The following SLC24A4 variants were observed in gnomAD, a reference collection of about 807,000 sequenced individuals.
SLC24A4 encodes the protein sodium/potassium/calcium exchanger 4.
In SLC24A4, 53 loss-of-function variants were observed where a neutral mutation model predicts 79.0. That is an observed-to-expected ratio of 0.67 (90% CI 0.54 to 0.84). The LOEUF (loss-of-function observed/expected upper bound fraction) is 0.84. Among genes scored for constraint, SLC24A4 ranks in the 40% least tolerant of loss-of-function variants. The pLI, the probability that SLC24A4 is intolerant of heterozygous loss-of-function variation, is 0.00. For missense variants in SLC24A4, 731 were observed against 822.0 expected, an observed-to-expected ratio of 0.89 and a Z score of 1.35; for synonymous variants, 323 against 323.8, an observed-to-expected ratio of 1.00 and a Z score of 0.03.
intron 2 of SLC24A4, among the ~76,000 whole-genome samples, chr14:92,389,687 C>T (rs1242522585): frequency 3.9e-5 from 6 of 152,198 alleles, no homozygotes; most frequent in Admixed American, 6.5e-5. Context: ...CCTGGCTCCT[C>T]GGTGGCAAAG....
At chr14:92,400,813 G>A (rs1403063490) in intron 2 of SLC24A4, among the ~76,000 whole-genome samples, 1 of 152,182 alleles carries the variant, frequency 6.6e-6, no homozygotes, top group East Asian at 1.9e-4. Context: ...GTAAGCATTG[G>A]TGTTTTGTGG....
At chr14:92,411,695 G>T (rs1364753709) in intron 2 of SLC24A4, among the ~76,000 whole-genome samples, 1 of 152,196 alleles carries the variant, frequency 6.6e-6, no homozygotes, top group African/African-American at 2.4e-5. Flanking sequence ...AGCTCAGTGT[G>T]TGAGGCTCCC....
chr14:92,484,888 C>T, intron 13 of SLC24A4: 1 of 985,376 alleles, frequency 1.0e-6, no homozygotes, highest in Non-Finnish European at 1.2e-6. Flanking sequence ...CTGAATAATA[C>T]ACAGTTTGGC....
At position 92,498,721 on chromosome 14, in the gene SLC24A4, C is replaced by G. The variant is rs1381084777; in HGVS notation, c.*5093C>G. ...CCATGCTGACCAGGCTGGTTTCGAACTCCTGACCTCAAGTGATCCGCCCGC... is the reference window on the plus strand; with the variant it reads ...CCATGCTGACCAGGCTGGTTTCGAAGTCCTGACCTCAAGTGATCCGCCCGC... On this transcript the variant is annotated 3_prime_UTR_variant, in exon 17 of 17. Transcript: ENST00000532405. The G allele has an allele frequency of 6.6e-6, 1 of 152,262 alleles. No individual in the cohort carries two copies. Among genetic ancestry groups the G allele is most frequent in the Non-Finnish European group, 1.5e-5 (1 of 68,086 alleles). The allele number at this position is 152,262 out of a possible 1,614,324, so 9.4% of individuals were successfully genotyped here.
intron 2 of SLC24A4, among the ~76,000 whole-genome samples, chr14:92,401,056 G>A (rs1296800708): frequency 2.0e-5 from 3 of 152,168 alleles, no homozygotes; most frequent in African/African-American, 7.2e-5. Context: ...AAGGCACCCA[G>A]TATCTGGCAG....
chr14:92,399,824 AAGG>A (rs1490077074), intron 2 of SLC24A4, among the ~76,000 whole-genome samples: 2 of 152,180 alleles, frequency 1.3e-5, no homozygotes, highest in African/African-American at 4.8e-5. Context: ...CTTTGCATAG[AAGG>A]AGAACTTACC....
Position 92,343,335 on chromosome 14 carries a change from G to A in SLC24A4, c.241+17357G>A, listed in dbSNP as rs187488635. Among the ~76,000 whole-genome samples, 15 of 152,210 alleles carry A rather than the reference G, an allele frequency of 9.9e-5. No homozygotes were observed. In the East Asian group the frequency reaches 1.9e-3, roughly 20 times the overall value. ...CTGTGTTGTAAAATTATAGTACCCC[G>A]ATGTCCCTTTCAGGAGTAGCTGGCA... On this transcript the variant is annotated intron_variant, in intron 2 of 16. Coordinates refer to ENST00000532405, the MANE Select transcript of SLC24A4 (RefSeq NM_153646.4).
At chr14:92,461,100 G>A (rs1309529528) in intron 12 of SLC24A4, among the ~76,000 whole-genome samples, 1 of 152,204 alleles carries the variant, frequency 6.6e-6, no homozygotes, top group East Asian at 1.9e-4. Flanking sequence ...CAGCCCAGCT[G>A]GGAAAGTCTC....
chr14:92,416,104 G>A (rs1890967083), intron 2 of SLC24A4, among the ~76,000 whole-genome samples: 1 of 143,764 alleles, frequency 7.0e-6, no homozygotes, highest in Non-Finnish European at 1.5e-5. Context: ...AAAGGAAAGT[G>A]TGTGTATTTG....
At chr14:92,414,423 G>A (rs10467860) in intron 2 of SLC24A4, among the ~76,000 whole-genome samples, 3,223 of 152,224 alleles carry the variant, frequency 0.021, 112 homozygotes, top group African/African-American at 0.073. Context: ...CAATATGATT[G>A]TCAAATACTA....
chr14:92,464,585 C>A (rs1299996660), intron 12 of SLC24A4, among the ~76,000 whole-genome samples: 2 of 91,130 alleles, frequency 2.2e-5, no homozygotes, highest in East Asian at 6.8e-4. Flanking sequence ...AACCCAGCAT[C>A]CCCCAGCCCT....
intron 2 of SLC24A4, among the ~76,000 whole-genome samples, chr14:92,330,105 C>T (rs1885383951): frequency 6.6e-6 from 1 of 152,124 alleles, no homozygotes; most frequent in African/African-American, 2.4e-5. Flanking sequence ...AGACCTAGTG[C>T]TCAGCCTGGG....
chr14:92,422,385 A>C (rs1031981641), intron 2 of SLC24A4, among the ~76,000 whole-genome samples: 1 of 152,240 alleles, frequency 6.6e-6, no homozygotes, highest in Non-Finnish European at 1.5e-5. Context: ...CTGTTATGTC[A>C]AAGGGAAGAA....
chr14:92,349,686 G>C (rs1886761731), intron 2 of SLC24A4, among the ~76,000 whole-genome samples: 1 of 152,148 alleles, frequency 6.6e-6, no homozygotes, highest in African/African-American at 2.4e-5. Flanking sequence ...ACACCTCAAG[G>C]ACCCCTCACG....
rs375453582 is a variant in SLC24A4 at position 92,398,901 on chromosome 14, C to A, written c.242-35011C>A. Reference sequence around the variant, plus strand: ...GCCTGCTTCTTTCCCAGGATTGGATCTTCAAGGACAAGGACCGTGTTGGTT... The same window carrying A: ...GCCTGCTTCTTTCCCAGGATTGGATATTCAAGGACAAGGACCGTGTTGGTT... On this transcript the variant is annotated intron_variant, in intron 2 of 16. Transcript: ENST00000532405. The surrounding 1 kb of genome is among the most constrained non-coding windows in gnomAD (Gnocchi z 4.1). Among the ~76,000 whole-genome samples the A allele has an allele frequency of 3.3e-5, 5 of 152,336 alleles. No individual in the cohort carries two copies. Among genetic ancestry groups the A allele is most frequent in the South Asian group, 4.1e-4 (2 of 4,834 alleles).
intron 13 of SLC24A4, chr14:92,483,952 ACC>A (rs1475877307): frequency 1.6e-6 from 2 of 1,239,596 alleles, no homozygotes; most frequent in East Asian, 5.7e-5. Context: ...CTCCAGAGAA[ACC>A]GTGTCGTTTG....
At chr14:92,403,889 A>T (rs57757386) in intron 2 of SLC24A4, among the ~76,000 whole-genome samples, 46,001 of 137,858 alleles carry the variant, frequency 0.33, 7,273 homozygotes, top group Admixed American at 0.39. Context: ...ACATCTCTTC[A>T]GCCCAGTCAC....
At chr14:92,425,811 C>T (rs978629952) in intron 2 of SLC24A4, among the ~76,000 whole-genome samples, 13 of 152,108 alleles carry the variant, frequency 8.5e-5, no homozygotes, top group African/African-American at 2.7e-4. Flanking sequence ...GATACCCAGT[C>T]TCTACCAAAA....
chr14:92,478,009 G>A (rs987749546), intron 12 of SLC24A4, among the ~76,000 whole-genome samples: 6 of 151,732 alleles, frequency 4.0e-5, no homozygotes, highest in Admixed American at 1.3e-4. Flanking sequence ...GTTTCACCAC[G>A]TTGGCCAGGC....
Sources: allele counts gnomAD v4.1 joint callset (sites outside exome capture counted in the v4.1 genomes callset), GRCh38; gene constraint gnomAD v4.1.1; non-coding constraint Gnocchi (gnomAD v3.1); transcripts MANE v1.5; gene names NCBI Gene and HGNC (gene_info 2026-07-23, HGNC 2026-07-21).